The following UNC5C variants were observed in gnomAD, a reference collection of about 807,000 sequenced individuals.
The protein encoded by UNC5C is netrin receptor UNC5C.
In UNC5C, 47 loss-of-function variants were observed where a neutral mutation model predicts 99.8. That is an observed-to-expected ratio of 0.47 (90% CI 0.37 to 0.60). The LOEUF (loss-of-function observed/expected upper bound fraction) is 0.60. UNC5C is among the 20% of genes least tolerant of loss of function. UNC5C has a pLI of 0.00. For missense variants in UNC5C, 1,062 were observed against 1,165.9 expected (o/e 0.91, Z 1.30); for synonymous variants, 487 against 452.2 (o/e 1.08, Z -0.98).
intron 12 of UNC5C, among the ~76,000 whole-genome samples, chr4:95,186,770 T>A (rs1736847780): frequency 6.6e-6 from 1 of 152,270 alleles, no homozygotes; most frequent in African/African-American, 2.4e-5. Flanking sequence ...TACTTAATGT[T>A]GCTGGCTGAT....
intron 3 of UNC5C, among the ~76,000 whole-genome samples, chr4:95,299,501 AAG>A (rs1741792480): frequency 1.3e-5 from 2 of 152,200 alleles, no homozygotes; most frequent in South Asian, 4.1e-4. Flanking sequence ...ATAAAATGTG[AAG>A]CAGGAATGGA....
At chr4:95,547,517 G>T (rs1723102648) in intron 1 of UNC5C, among the ~76,000 whole-genome samples, 1 of 152,182 alleles carries the variant, frequency 6.6e-6, no homozygotes, top group African/African-American at 2.4e-5. Context: ...AATTTGGAAG[G>T]AAGAGTAACC....
intron 1 of UNC5C, among the ~76,000 whole-genome samples, chr4:95,487,437 A>G (rs1488607758): frequency 6.6e-6 from 1 of 151,672 alleles, no homozygotes; most frequent in Admixed American, 6.6e-5. Flanking sequence ...CACAAGAGAT[A>G]CAGAAGGGAA....
intron 1 of UNC5C, among the ~76,000 whole-genome samples, chr4:95,535,199 A>T (rs771033168): frequency 5.3e-5 from 8 of 152,152 alleles, no homozygotes; most frequent in Non-Finnish European, 1.0e-4. Context: ...TTGACTTTCC[A>T]AAGAGTTTTA....
At chr4:95,221,383 CT>C (rs1738462389) in intron 7 of UNC5C, among the ~76,000 whole-genome samples, 1 of 152,100 alleles carries the variant, frequency 6.6e-6, no homozygotes, top group South Asian at 2.1e-4. Context: ...CCATGACCTC[CT>C]AAAATGTGAG....
intron 4 of UNC5C, among the ~76,000 whole-genome samples, chr4:95,262,206 G>T (rs1297833209): frequency 6.6e-6 from 1 of 152,100 alleles, no homozygotes; most frequent in East Asian, 1.9e-4. Flanking sequence ...AATCCTTTTT[G>T]CAAATCAGGT....
chr4:95,531,243 T>A (rs1032495382), intron 1 of UNC5C, among the ~76,000 whole-genome samples: 3 of 152,210 alleles, frequency 2.0e-5, no homozygotes, highest in African/African-American at 2.4e-5. Context: ...TTGAAGTCTT[T>A]CCTAAAGTAA....
At chr4:95,415,914 G>GT (rs201554837) in intron 1 of UNC5C, among the ~76,000 whole-genome samples, 67 of 147,094 alleles carry the variant, frequency 4.6e-4, no homozygotes, top group East Asian at 2.8e-3. Flanking sequence ...TAAAATTGTT[G>GT]TTTTTTTTTT....
At chr4:95,544,058 T>G (rs956899744) in intron 1 of UNC5C, among the ~76,000 whole-genome samples, 1 of 152,220 alleles carries the variant, frequency 6.6e-6, no homozygotes, top group Non-Finnish European at 1.5e-5. Flanking sequence ...GCCAACGGTT[T>G]GTAGAATTGA....
chr4:95,541,318 T>C (rs958916267), intron 1 of UNC5C, among the ~76,000 whole-genome samples: 6 of 152,154 alleles, frequency 3.9e-5, no homozygotes, highest in African/African-American at 1.2e-4. Context: ...CCATGCTGTA[T>C]AGACTCCCCA....
intron 1 of UNC5C, among the ~76,000 whole-genome samples, chr4:95,470,155 T>C (rs1191140064): frequency 6.6e-6 from 1 of 152,174 alleles, no homozygotes; most frequent in Non-Finnish European, 1.5e-5. Flanking sequence ...AATAGACTAG[T>C]ATGTATGTAT....
At chr4:95,368,349 C>T (rs770875304) in intron 1 of UNC5C, among the ~76,000 whole-genome samples, 1 of 145,918 alleles carries the variant, frequency 6.9e-6, no homozygotes, top group Non-Finnish European at 1.5e-5. Context: ...TATAGGCTTA[C>T]TACTACATTT....
chr4:95,463,505 AG>A (rs1747672441), intron 1 of UNC5C, among the ~76,000 whole-genome samples: 1 of 147,004 alleles, frequency 6.8e-6, no homozygotes, highest in South Asian at 2.1e-4. Flanking sequence ...CAGAGCACAG[AG>A]CAGATGGCCA....
At chr4:95,289,069 T>C (rs1741348787) in intron 3 of UNC5C, among the ~76,000 whole-genome samples, 1 of 152,194 alleles carries the variant, frequency 6.6e-6, no homozygotes, top group Non-Finnish European at 1.5e-5. Flanking sequence ...TCTTCATCCA[T>C]AAAATGAAGA....
At chr4:95,281,359 G>T (rs1483002784) in intron 3 of UNC5C, among the ~76,000 whole-genome samples, 4 of 152,184 alleles carry the variant, frequency 2.6e-5, no homozygotes, top group Non-Finnish European at 4.4e-5. Context: ...AGACTAGAAA[G>T]GTAAGCTGAG....
intron 1 of UNC5C, among the ~76,000 whole-genome samples, chr4:95,369,923 T>C (rs1174207940): frequency 1.3e-5 from 2 of 152,102 alleles, no homozygotes; most frequent in Non-Finnish European, 1.5e-5. Flanking sequence ...TCCAAAATTA[T>C]TCTATCATAT....
intron 1 of UNC5C, among the ~76,000 whole-genome samples, chr4:95,439,934 G>C (rs1746900892): frequency 6.6e-6 from 1 of 152,176 alleles, no homozygotes; most frequent in Admixed American, 6.5e-5. Context: ...AGGAAAAAAA[G>C]AGAGAATACA....
At chr4:95,250,763 A>T in intron 4 of UNC5C, 96 bp from the exon 5 acceptor site, 1 of 1,232,380 alleles carries the variant, frequency 8.1e-7, no homozygotes. Context: ...TCTTAGCCAA[A>T]AGGCCGAGAA....
intron 1 of UNC5C, among the ~76,000 whole-genome samples, chr4:95,355,278 C>A (rs918717353): frequency 6.6e-6 from 1 of 152,078 alleles, no homozygotes; most frequent in Non-Finnish European, 1.5e-5. Flanking sequence ...TAGAGATGAC[C>A]ACAAGATAAG....
Sources: gnomAD v4.1 joint callset for allele counts (sites outside exome capture counted in the v4.1 genomes callset) on GRCh38, gnomAD v4.1.1 for gene constraint, MANE v1.5 for transcripts, NCBI Gene and HGNC (gene_info 2026-07-23, HGNC 2026-07-21) for gene names.